The following PTPN4 variants were observed in gnomAD, a reference collection of about 807,000 sequenced individuals.
PTPN4 encodes the protein tyrosine-protein phosphatase non-receptor type 4.
In PTPN4, 49 loss-of-function variants were observed where a neutral mutation model predicts 135.5. The observed-to-expected ratio is 0.36, with a 90% CI of 0.29 to 0.46. The LOEUF (loss-of-function observed/expected upper bound fraction) is 0.46. Among genes scored for constraint, PTPN4 ranks in the 20% least tolerant of loss-of-function variants. The pLI is 1.00. For missense variants in PTPN4, 860 were observed against 1,101.0 expected, an observed-to-expected ratio of 0.78 and a Z score of 3.10; for synonymous variants, 333 against 369.9, an observed-to-expected ratio of 0.90 and a Z score of 1.14.
chr2:119,872,877 G>C (rs144887761), intron 3 of PTPN4, among the ~76,000 whole-genome samples: 2 of 152,298 alleles, frequency 1.3e-5, no homozygotes, highest in African/African-American at 4.8e-5. Flanking sequence ...AATCTCCAAA[G>C]TGATACTGAA....
At chr2:119,787,444 A>C (rs955810862) in intron 1 of PTPN4, among the ~76,000 whole-genome samples, 1 of 152,214 alleles carries the variant, frequency 6.6e-6, no homozygotes, top group African/African-American at 2.4e-5. Flanking sequence ...CATTATGATT[A>C]CTACTAATAG....
intron 1 of PTPN4, among the ~76,000 whole-genome samples, chr2:119,766,443 T>TGCGCGCGCGCGCGCGCGC (rs145798313): frequency 3.6e-5 from 4 of 109,768 alleles, no homozygotes; most frequent in Admixed American, 9.0e-5. Flanking sequence ...TATGCGCATG[T>TGCGCGCGCGCGCGCGCGC]GCGCGCGTGT....
At chr2:119,778,497 TACTTACGTG>T (rs1196138581) in intron 1 of PTPN4, among the ~76,000 whole-genome samples, 1 of 152,220 alleles carries the variant, frequency 6.6e-6, no homozygotes, top group Non-Finnish European at 1.5e-5. Context: ...GCTATTCACA[TACTTACGTG>T]AATAAACAGG....
intron 9 of PTPN4, 26 bp downstream of exon 9, chr2:119,885,908 G>A (rs373958913): frequency 1.6e-4 from 240 of 1,469,706 alleles, no homozygotes; most frequent in Non-Finnish European, 2.1e-4. Context: ...TTACTTTGAT[G>A]TTGTTGAGTT....
intron 10 of PTPN4, among the ~76,000 whole-genome samples, chr2:119,912,604 AAGT>A (rs1220734263): frequency 6.6e-6 from 1 of 152,198 alleles, no homozygotes; most frequent in Non-Finnish European, 1.5e-5. Context: ...AACTTTGGAC[AAGT>A]AGCAAAAAAA....
chr2:119,871,937 T>C (rs1677916263), intron 3 of PTPN4, among the ~76,000 whole-genome samples: 1 of 152,168 alleles, frequency 6.6e-6, no homozygotes, highest in South Asian at 2.1e-4. Context: ...CTGATACTCA[T>C]TGACTCATTC....
chr2:119,765,808 C>CA (rs1167009533), intron 1 of PTPN4, among the ~76,000 whole-genome samples: 1 of 151,888 alleles, frequency 6.6e-6, no homozygotes, highest in African/African-American at 2.4e-5. Context: ...TAGAAAAAGT[C>CA]AAAGTATGAA....
chr2:119,947,499 A>G (rs1332105684), intron 18 of PTPN4, among the ~76,000 whole-genome samples: 1 of 152,190 alleles, frequency 6.6e-6, no homozygotes, highest in Admixed American at 6.5e-5. Flanking sequence ...TTATTTAAAT[A>G]TAAATACATC....
At chr2:119,882,294 A>C (rs1446621874) in intron 7 of PTPN4, 145 bp downstream of exon 7, 11 of 1,032,418 alleles carry the variant, frequency 1.1e-5, no homozygotes, top group Non-Finnish European at 1.6e-5. Context: ...ATCTCCAGTT[A>C]GTTAGCAATT....
At chr2:119,901,763 G>A (rs1159651435) in intron 10 of PTPN4, among the ~76,000 whole-genome samples, 1 of 152,200 alleles carries the variant, frequency 6.6e-6, no homozygotes, top group Non-Finnish European at 1.5e-5. Context: ...AGACGGAAAT[G>A]TAAGCACAGA....
At chr2:119,937,851 G>A (rs767276298) in intron 15 of PTPN4, among the ~76,000 whole-genome samples, 2 of 151,982 alleles carry the variant, frequency 1.3e-5, no homozygotes, top group African/African-American at 2.4e-5. Context: ...AGGATCACTA[G>A]AGCCCAGGAG....
At chr2:119,772,156 T>C (rs928824503) in intron 1 of PTPN4, among the ~76,000 whole-genome samples, 1 of 152,254 alleles carries the variant, frequency 6.6e-6, no homozygotes, top group Non-Finnish European at 1.5e-5. Flanking sequence ...ATCTTTCTAA[T>C]TTATCTTACT....
chr2:119,924,433 A>G (rs1375175902), intron 12 of PTPN4, among the ~76,000 whole-genome samples: 1 of 152,116 alleles, frequency 6.6e-6, no homozygotes, highest in Non-Finnish European at 1.5e-5. Context: ...TTACCTGCTC[A>G]TAATGGTGAT....
intron 19 of PTPN4, among the ~76,000 whole-genome samples, chr2:119,953,915 A>T: frequency 6.6e-6 from 1 of 152,188 alleles, no homozygotes; most frequent in Non-Finnish European, 1.5e-5. Flanking sequence ...TTTGCTTTAT[A>T]GTATGAGAGG....
intron 13 of PTPN4, among the ~76,000 whole-genome samples, chr2:119,929,705 A>G (rs1678875707): frequency 6.6e-6 from 1 of 152,150 alleles, no homozygotes; most frequent in East Asian, 1.9e-4. Flanking sequence ...AGCAAGCTTG[A>G]GTGGGTGGGT....
intron 2 of PTPN4, among the ~76,000 whole-genome samples, chr2:119,817,546 G>C (rs368975787): frequency 1.4e-3 from 215 of 152,010 alleles, no homozygotes; most frequent in African/African-American, 4.6e-3. Context: ...TACTAGTACC[G>C]TACTGTTTTT....
chr2:119,823,383 C>G (rs542231536), intron 2 of PTPN4, among the ~76,000 whole-genome samples: 1 of 151,988 alleles, frequency 6.6e-6, no homozygotes, highest in African/African-American at 2.4e-5. Context: ...TCCAGGTGCC[C>G]GCCACCACGC....
chr2:119,888,609 T>C (rs1678194381), intron 9 of PTPN4, among the ~76,000 whole-genome samples: 1 of 152,202 alleles, frequency 6.6e-6, no homozygotes, highest in Non-Finnish European at 1.5e-5. Flanking sequence ...TTCATTCTGT[T>C]CTTGTGATAT....
intron 12 of PTPN4, among the ~76,000 whole-genome samples, chr2:119,922,335 C>T (rs192651409): frequency 8.3e-4 from 126 of 151,380 alleles, no homozygotes; most frequent in East Asian, 7.9e-3. Context: ...ACATGTTTTT[C>T]GACAAAACTG....
Sources: allele counts gnomAD v4.1 joint callset (sites outside exome capture counted in the v4.1 genomes callset), GRCh38; gene constraint gnomAD v4.1.1; transcripts MANE v1.5; gene names NCBI Gene and HGNC (gene_info 2026-07-23, HGNC 2026-07-21).